Variants in AUTS2 observed in about 807,000 individuals in gnomAD.
AUTS2 encodes the protein autism susceptibility gene 2 protein.
Under a neutral mutation model 112.4 loss-of-function variants are expected in AUTS2, and 17 were observed. The observed-to-expected ratio is 0.15, with a 90% CI of 0.10 to 0.23. The LOEUF is 0.23. AUTS2 is among the 10% of genes least tolerant of loss of function. The pLI is 1.00. For missense variants in AUTS2, 1,510 were observed against 1,701.6 expected, an observed-to-expected ratio of 0.89 and a Z score of 1.98; for synonymous variants, 751 against 702.7, an observed-to-expected ratio of 1.07 and a Z score of -1.09.
At chr7:69,780,158 A>G (rs897666342) in intron 1 of AUTS2, among the ~76,000 whole-genome samples, 5 of 152,096 alleles carry the variant, frequency 3.3e-5, no homozygotes, top group African/African-American at 1.2e-4. Context: ...AGCTGGCCTT[A>G]CCTGTGATCT....
rs774435329 is a variant in AUTS2, at chr7:70,774,035, A to G, written c.1838A>G (p.Asn613Ser). 3.8e-5 allele frequency: 62 copies of G among 1,613,910 alleles called. No homozygotes were observed. The highest frequency in any genetic ancestry group is 5.1e-5 in the Non-Finnish European group (60 of 1,179,976). The part of the protein sequence containing the change: ...LQGAFQPKTS[N>S]PIDVAARPGT... ...GGTCTAATTAATTTGTAGACATCCA[A>G]CCCTATCGATGTCGCTGCTCGGCCT... Residue 613 changes from asparagine to serine, a missense_variant, in exon 12 of 19, where the codon AAC becomes AGC. Physicochemically the swap from Asn to Ser is conservative, Grantham distance 46. Coordinates refer to ENST00000342771, the MANE Select transcript of AUTS2 (RefSeq NM_015570.4).
At chr7:70,487,823 G>A (rs907952308) in intron 5 of AUTS2, among the ~76,000 whole-genome samples, 5 of 152,188 alleles carry the variant, frequency 3.3e-5, no homozygotes, top group African/African-American at 1.2e-4. Context: ...ACTAATGGCA[G>A]TAAAAATCCA....
chr7:70,626,067 C>T (rs1463012830), intron 5 of AUTS2, among the ~76,000 whole-genome samples: 1 of 151,928 alleles, frequency 6.6e-6, no homozygotes, highest in Admixed American at 6.6e-5. Flanking sequence ...CACACACTAC[C>T]ACACCCAGCT....
chr7:70,772,619 G>A (rs9986982), intron 11 of AUTS2, among the ~76,000 whole-genome samples: 2 of 152,164 alleles, frequency 1.3e-5, no homozygotes, highest in East Asian at 1.9e-4. Flanking sequence ...TTCCAAAGAC[G>A]TGTTTCATTA....
chr7:70,456,166 C>G (rs550087626), intron 5 of AUTS2, among the ~76,000 whole-genome samples: 1 of 152,284 alleles, frequency 6.6e-6, no homozygotes, highest in South Asian at 2.1e-4. Context: ...GCAGACTGGC[C>G]CACTGGCTTT....
At chr7:70,410,619 C>T (rs955636906) in intron 4 of AUTS2, among the ~76,000 whole-genome samples, 3 of 151,358 alleles carry the variant, frequency 2.0e-5, no homozygotes, top group South Asian at 2.1e-4. Context: ...AGACGGGTTT[C>T]GCCATGTCTC....
At chr7:70,223,431 A>G (rs1336190468) in intron 4 of AUTS2, among the ~76,000 whole-genome samples, 4 of 152,196 alleles carry the variant, frequency 2.6e-5, no homozygotes, top group Non-Finnish European at 5.9e-5. Context: ...TCATGACATC[A>G]TAGCCTGGTA....
At chr7:69,905,540 C>T (rs1326272933) in intron 2 of AUTS2, among the ~76,000 whole-genome samples, 1 of 152,094 alleles carries the variant, frequency 6.6e-6, no homozygotes, top group Non-Finnish European at 1.5e-5. Context: ...TGATCAAGGG[C>T]AGGAAATTAT....
intron 5 of AUTS2, among the ~76,000 whole-genome samples, chr7:70,685,472 C>CAAAAAAAAAAAAA (rs34403837): frequency 3.0e-5 from 2 of 65,946 alleles, no homozygotes. Flanking sequence ...GACTCTGTCT[C>CAAAAAAAAAAAAA]AAAAAAAAAA....
rs71077652 is a variant in AUTS2, at chr7:70,340,163, AACACAC to A, written c.661-95562_661-95557del. Among the ~76,000 whole-genome samples, 25 of 144,762 alleles carry A rather than the reference AACACAC, an allele frequency of 1.7e-4. 1 individual carries two copies. Among genetic ancestry groups the A allele is most frequent in the Middle Eastern group, 3.5e-3 (1 of 288 alleles). The allele number at this position is 144,762 out of a possible 152,430, so 95.0% of individuals were successfully genotyped here. On this transcript the variant is annotated intron_variant, in intron 4 of 18. Coordinates refer to ENST00000342771, the MANE Select transcript of AUTS2 (RefSeq NM_015570.4). ...CCATCTGTGTCCATGTATGGAGAGAAACACACACACACACACACACACACACACACA... is the reference window on the plus strand; with the variant it reads ...CCATCTGTGTCCATGTATGGAGAGAAACACACACACACACACACACACACA...
intron 4 of AUTS2, among the ~76,000 whole-genome samples, chr7:70,406,691 G>A (rs774466408): frequency 3.3e-4 from 50 of 152,186 alleles, no homozygotes; most frequent in Admixed American, 6.5e-4. Flanking sequence ...GGAGTTAGTT[G>A]CAGTCAGCAG....
chr7:70,152,067 A>G (rs1399262996), intron 4 of AUTS2, among the ~76,000 whole-genome samples: 1 of 152,204 alleles, frequency 6.6e-6, no homozygotes, highest in South Asian at 2.1e-4. Flanking sequence ...TGGGATTAAC[A>G]GCAGATTAGA....
At chr7:69,660,789 G>GC (rs1795751804) in intron 1 of AUTS2, among the ~76,000 whole-genome samples, 4 of 152,178 alleles carry the variant, frequency 2.6e-5, no homozygotes, top group Admixed American at 1.3e-4. Context: ...AAAGAAGTTA[G>GC]CTGGGTGTGG....
chr7:70,092,244 G>T (rs921191731), intron 2 of AUTS2, among the ~76,000 whole-genome samples: 1 of 152,062 alleles, frequency 6.6e-6, no homozygotes. Context: ...TATTTTAGCC[G>T]TAAACTTAAT....
At position 70,633,601 on chromosome 7, in the gene AUTS2, A is replaced by AGGT. The variant is rs199973682; in HGVS notation, c.691-64968_691-64967insGGT. Among the ~76,000 whole-genome samples the AGGT allele has an allele frequency of 1.2e-4, 16 of 135,300 alleles. No homozygotes were observed. In the South Asian group the frequency reaches 4.0e-3, roughly 34 times the overall value. The allele number at this position is 135,300 out of a possible 152,430, so 88.8% of individuals were successfully genotyped here. ...ACTCTAGCCTGGGCCACAGAGCAAGACTCCGTCTCAAAAAAAAAAAAAAAA... is the reference window on the plus strand; with the variant it reads ...ACTCTAGCCTGGGCCACAGAGCAAGAGGTCTCCGTCTCAAAAAAAAAAAAAAAA... On this transcript the variant is annotated intron_variant, in intron 5 of 18. Coordinates refer to ENST00000342771, the MANE Select transcript of AUTS2 (RefSeq NM_015570.4).
chr7:70,024,574 T>A (rs566429674), intron 2 of AUTS2, among the ~76,000 whole-genome samples: 13 of 152,356 alleles, frequency 8.5e-5, no homozygotes, highest in African/African-American at 3.1e-4. Context: ...TTTGTTGACC[T>A]GTATGTGTGT....
At chr7:69,885,309 G>T (rs1445101331) in intron 1 of AUTS2, among the ~76,000 whole-genome samples, 1 of 152,066 alleles carries the variant, frequency 6.6e-6, no homozygotes, top group South Asian at 2.1e-4. Context: ...GGTCAGAAAG[G>T]TGTCATTCCC....
chr7:70,311,802 C>T (rs1789766545), intron 4 of AUTS2, among the ~76,000 whole-genome samples: 3 of 152,226 alleles, frequency 2.0e-5, no homozygotes, highest in South Asian at 2.1e-4. Flanking sequence ...CTGCAAGCTC[C>T]GCCTCCCGGG....
chr7:70,092,382 G>A (rs1803965881), intron 2 of AUTS2, among the ~76,000 whole-genome samples: 1 of 152,058 alleles, frequency 6.6e-6, no homozygotes, highest in Non-Finnish European at 1.5e-5. Flanking sequence ...TGCTTCACAT[G>A]AGCTGAGCTC....
Sources: allele counts gnomAD v4.1 joint callset (sites outside exome capture counted in the v4.1 genomes callset), GRCh38; gene constraint gnomAD v4.1.1; transcripts MANE v1.5; gene names NCBI Gene and HGNC (gene_info 2026-07-23, HGNC 2026-07-21).